Variants in FYB2 observed in about 807,000 individuals in gnomAD.
FYB2 encodes FYN-binding protein 2.
In FYB2, 103 loss-of-function variants were observed where a neutral mutation model predicts 94.1. The ratio of observed to expected loss-of-function variants is 1.09; its 90% CI spans 0.93 to 1.29. The LOEUF (loss-of-function observed/expected upper bound fraction) is 1.29. Among genes scored for constraint, FYB2 ranks in the 50% most tolerant of loss-of-function variants. FYB2 has a pLI of 0.00. For synonymous variants in FYB2, 293 were observed against 287.9 expected, an observed-to-expected ratio of 1.02 and a Z score of -0.18; for missense variants, 896 against 841.5, an observed-to-expected ratio of 1.06 and a Z score of -0.80.
rs371664051 is a variant in FYB2 at position 56,780,979 on chromosome 1, C to T, written c.953+6196G>A. On this transcript the variant is annotated intron_variant, in intron 4 of 19. Coordinates refer to ENST00000343433, the MANE Select transcript of FYB2 (RefSeq NM_001004303.5). Reference sequence around the variant, plus strand: ...CCTGTAGCGATTCAATTTATCCCAGCGTGCTGGGACTTCCTGGCCTGCTTT... The same window carrying T: ...CCTGTAGCGATTCAATTTATCCCAGTGTGCTGGGACTTCCTGGCCTGCTTT... Among the ~76,000 whole-genome samples, 15 of 152,270 alleles carry T rather than the reference C, an allele frequency of 9.9e-5. No individual in the cohort carries two copies. In the South Asian group the frequency reaches 1.2e-3, roughly 13 times the overall value.
intron 1 of FYB2, among the ~76,000 whole-genome samples, chr1:56,817,405 G>A (rs1052564735): frequency 1.3e-5 from 2 of 152,122 alleles, no homozygotes; most frequent in Non-Finnish European, 2.9e-5. Flanking sequence ...TCTTGAAATG[G>A]TCTCATTGAA....
chr1:56,747,018 G>A (rs1475533262), intron 9 of FYB2, among the ~76,000 whole-genome samples: 1 of 151,694 alleles, frequency 6.6e-6, no homozygotes, highest in Admixed American at 6.6e-5. Flanking sequence ...TAGTGTATTT[G>A]CCTTTTGGAT....
chr1:56,720,952 T>C (rs1244406966), intron 17 of FYB2: 2 of 152,060 alleles, frequency 1.3e-5, no homozygotes, highest in African/African-American at 4.8e-5. Flanking sequence ...ATACCTATCA[T>C]TTCTAGATGA....
intron 1 of FYB2, among the ~76,000 whole-genome samples, chr1:56,811,805 T>A (rs1052926432): frequency 1.3e-5 from 2 of 152,220 alleles, no homozygotes; most frequent in Admixed American, 6.5e-5. Context: ...CATACACTTT[T>A]GGATGATTTT....
At chr1:56,726,065 G>A (rs1390625832) in intron 16 of FYB2, among the ~76,000 whole-genome samples, 2 of 151,940 alleles carry the variant, frequency 1.3e-5, no homozygotes, top group Non-Finnish European at 2.9e-5. Context: ...ACTAATTGTA[G>A]TCATAACTAG....
intron 4 of FYB2, among the ~76,000 whole-genome samples, chr1:56,786,897 A>G (rs781290092): frequency 3.3e-5 from 5 of 152,240 alleles, no homozygotes; most frequent in African/African-American, 4.8e-5. Context: ...ATTTATGACT[A>G]TGAAGGGTGA....
chr1:56,748,090 T>C (rs995270484), intron 9 of FYB2, among the ~76,000 whole-genome samples: 1 of 152,114 alleles, frequency 6.6e-6, no homozygotes, highest in Non-Finnish European at 1.5e-5. Flanking sequence ...CACTTTTTGA[T>C]GGGGTTGTTT....
At chr1:56,780,395 T>C (rs1324395695) in intron 4 of FYB2, among the ~76,000 whole-genome samples, 1 of 152,160 alleles carries the variant, frequency 6.6e-6, no homozygotes, top group African/African-American at 2.4e-5. Flanking sequence ...CCAGGCTCGA[T>C]GTGTAGAGCA....
At chr1:56,748,637 T>C (rs1335921818) in intron 9 of FYB2, among the ~76,000 whole-genome samples, 1 of 151,982 alleles carries the variant, frequency 6.6e-6, no homozygotes, top group African/African-American at 2.4e-5. Flanking sequence ...CTTTCAAGGC[T>C]AAAGCAAATT....
At chr1:56,822,060 G>A (rs939465962), upstream of FYB2, among the ~76,000 whole-genome samples, 2 of 152,208 alleles carry the variant, frequency 1.3e-5, no homozygotes, top group African/African-American at 4.8e-5. Context: ...CCTAAAGCCA[G>A]GAAGGTTCAC....
At chr1:56,743,474 G>A (rs947345735) in intron 11 of FYB2, among the ~76,000 whole-genome samples, 3 of 152,006 alleles carry the variant, frequency 2.0e-5, no homozygotes, top group African/African-American at 7.2e-5. Flanking sequence ...AGAAGATTAA[G>A]AGTCAGTGAA....
chr1:56,721,964 T>G (rs1644492991), intron 17 of FYB2, among the ~76,000 whole-genome samples: 1 of 152,052 alleles, frequency 6.6e-6, no homozygotes, highest in Middle Eastern at 3.2e-3. Flanking sequence ...GGACAAAAAT[T>G]ATTGAAATGG....
chr1:56,751,487 C>T (rs1452589936), intron 8 of FYB2, among the ~76,000 whole-genome samples: 1 of 151,968 alleles, frequency 6.6e-6, no homozygotes, highest in East Asian at 1.9e-4. Flanking sequence ...TTCCATATAA[C>T]TTAATCATCA....
intron 4 of FYB2, among the ~76,000 whole-genome samples, chr1:56,781,675 T>C (rs1364017625): frequency 6.6e-6 from 1 of 152,214 alleles, no homozygotes; most frequent in African/African-American, 2.4e-5. Context: ...TCCAGAATGA[T>C]CTTTACAAAA....
chr1:56,811,216 G>A (rs1646759522), intron 1 of FYB2, among the ~76,000 whole-genome samples: 1 of 152,176 alleles, frequency 6.6e-6, no homozygotes, highest in African/African-American at 2.4e-5. Flanking sequence ...GAAGCTGAAG[G>A]TTTAAAGCAC....
At chr1:56,759,481 T>C (rs1245429486) in intron 5 of FYB2, among the ~76,000 whole-genome samples, 1 of 152,154 alleles carries the variant, frequency 6.6e-6, no homozygotes, top group Non-Finnish European at 1.5e-5. Flanking sequence ...CTGTAGGTAA[T>C]TGTAACACAG....
intron 15 of FYB2, among the ~76,000 whole-genome samples, chr1:56,727,801 A>T (rs1393630747): frequency 6.6e-6 from 1 of 152,106 alleles, no homozygotes; most frequent in African/African-American, 2.4e-5. Flanking sequence ...ACCATGTTTT[A>T]CCATGCTTTA....
upstream of FYB2, among the ~76,000 whole-genome samples, chr1:56,821,619 A>T (rs190596661): frequency 4.1e-4 from 63 of 152,366 alleles, no homozygotes; most frequent in Non-Finnish European, 6.9e-4. Flanking sequence ...AGCAATGAGT[A>T]AACACCAGTA....
the FYB2 span, among the ~76,000 whole-genome samples, chr1:56,826,362 C>A: frequency 6.6e-6 from 1 of 152,228 alleles, no homozygotes. Context: ...GGGGCAAGTC[C>A]AAATCCTTCC....
Sources: gnomAD v4.1 joint callset for allele counts (sites outside exome capture counted in the v4.1 genomes callset) on GRCh38, gnomAD v4.1.1 for gene constraint, MANE v1.5 for transcripts, NCBI Gene and HGNC (gene_info 2026-07-23, HGNC 2026-07-21) for gene names.